The following XKR6 variants were observed in gnomAD, a reference collection of about 807,000 sequenced individuals.
XKR6 encodes XK-related protein 6.
In XKR6, 22 loss-of-function variants were observed where a neutral mutation model predicts 56.7. That is an observed-to-expected ratio of 0.39 (90% confidence interval 0.28 to 0.55). The LOEUF is 0.55. Among genes scored for constraint, XKR6 ranks in the 20% least tolerant of loss-of-function variants. XKR6 has a pLI of 0.66. For missense variants in XKR6, 852 were observed against 889.0 expected, an observed-to-expected ratio of 0.96 and a Z score of 0.53; for synonymous variants, 524 against 387.8, an observed-to-expected ratio of 1.35 and a Z score of -4.13.
chr8:11,088,107 C>T (rs1198188678), intron 1 of XKR6, among the ~76,000 whole-genome samples: 1 of 152,192 alleles, frequency 6.6e-6, no homozygotes, highest in African/African-American at 2.4e-5. Context: ...TGAAAAAATG[C>T]TAAGAAAATT....
chr8:10,961,445 G>T (rs1329467863), intron 1 of XKR6, among the ~76,000 whole-genome samples: 1 of 152,232 alleles, frequency 6.6e-6, no homozygotes, highest in Non-Finnish European at 1.5e-5. Context: ...CTGGCTAGGG[G>T]CGGCTGGGGA....
At chr8:11,157,780 G>A (rs1175028043) in intron 1 of XKR6, among the ~76,000 whole-genome samples, 1 of 152,168 alleles carries the variant, frequency 6.6e-6, no homozygotes, top group Admixed American at 6.5e-5. Context: ...CTCCGAAAGT[G>A]CTGGGATTAC....
At chr8:11,081,387 C>A (rs1449907618) in intron 1 of XKR6, among the ~76,000 whole-genome samples, 1 of 152,182 alleles carries the variant, frequency 6.6e-6, no homozygotes, top group African/African-American at 2.4e-5. Flanking sequence ...AAGGTCTTAG[C>A]ACGGATGAGA....
chr8:11,123,907 C>G (rs985582205), intron 1 of XKR6: 1 of 456,116 alleles, frequency 2.2e-6, no homozygotes, highest in Non-Finnish European at 4.4e-6. Flanking sequence ...CCTTCCCTCC[C>G]TCATGATGTT....
chr8:11,047,639 G>A (rs947939132), intron 1 of XKR6, among the ~76,000 whole-genome samples: 2 of 152,202 alleles, frequency 1.3e-5, no homozygotes, highest in East Asian at 3.8e-4. Context: ...ATGAGGAGTT[G>A]TTGTTTGATG....
At chr8:11,183,442 G>C (rs1468059185) in intron 1 of XKR6, among the ~76,000 whole-genome samples, 1 of 151,376 alleles carries the variant, frequency 6.6e-6, no homozygotes, top group South Asian at 2.1e-4. Flanking sequence ...CTCTCAAGTA[G>C]ATGGGACTAC....
At chr8:11,077,586 A>G (rs947321215) in intron 1 of XKR6, among the ~76,000 whole-genome samples, 1 of 152,194 alleles carries the variant, frequency 6.6e-6, no homozygotes, top group Non-Finnish European at 1.5e-5. Context: ...GTAAATCTCC[A>G]GGAGGAGGTG....
chr8:11,024,235 G>GTGTGTA (rs1798812774), intron 1 of XKR6, among the ~76,000 whole-genome samples: 1 of 141,174 alleles, frequency 7.1e-6, no homozygotes, highest in Non-Finnish European at 1.6e-5. Flanking sequence ...GTGTGTGTGT[G>GTGTGTA]TGTGTGTGTG....
chr8:11,178,550 A>ATATATATATATATATATATATATATG (rs1802782745), intron 1 of XKR6, among the ~76,000 whole-genome samples: 1 of 95,440 alleles, frequency 1.0e-5, no homozygotes, highest in Non-Finnish European at 1.8e-5. Flanking sequence ...AGGTAAAAAT[A>ATATATATATATATATATATATATATG]TATATATATA....
chr8:11,123,750 GA>G (rs200120806), intron 1 of XKR6: 10 of 411,846 alleles, frequency 2.4e-5, no homozygotes, highest in South Asian at 5.2e-5. Flanking sequence ...CCTACCCCGG[GA>G]AAAAAAAACA....
chr8:11,078,701 C>T (rs550975682), intron 1 of XKR6, among the ~76,000 whole-genome samples: 10 of 152,270 alleles, frequency 6.6e-5, no homozygotes, highest in African/African-American at 1.7e-4. Context: ...CAGCAGCAGT[C>T]CAGGAAGGTG....
intron 1 of XKR6, among the ~76,000 whole-genome samples, chr8:10,938,682 A>G (rs554614505): frequency 2.4e-4 from 36 of 152,252 alleles, no homozygotes; most frequent in African/African-American, 7.5e-4. Flanking sequence ...GTTCCCAGGG[A>G]GTGAAATTAA....
At chr8:10,997,140 G>T (rs549184155) in intron 1 of XKR6, among the ~76,000 whole-genome samples, 1 of 152,012 alleles carries the variant, frequency 6.6e-6, no homozygotes, top group Non-Finnish European at 1.5e-5. Flanking sequence ...TCCATCATCA[G>T]TACAACCTTC....
At chr8:11,102,921 C>G (rs1349133638) in intron 1 of XKR6, among the ~76,000 whole-genome samples, 1 of 152,184 alleles carries the variant, frequency 6.6e-6, no homozygotes, top group Non-Finnish European at 1.5e-5. Context: ...TGGTCATCAA[C>G]CTCATGAGGA....
chr8:10,956,548 G>A (rs922196067), intron 1 of XKR6, among the ~76,000 whole-genome samples: 21 of 152,204 alleles, frequency 1.4e-4, no homozygotes, highest in Non-Finnish European at 2.2e-4. Flanking sequence ...AGAGGACAGC[G>A]CTAAGCATGG....
At chr8:11,003,483 C>A (rs1369125336) in intron 1 of XKR6, among the ~76,000 whole-genome samples, 2 of 152,220 alleles carry the variant, frequency 1.3e-5, no homozygotes, top group Non-Finnish European at 2.9e-5. Flanking sequence ...ACCACCATCA[C>A]CATCTTCACC....
intron 1 of XKR6, among the ~76,000 whole-genome samples, chr8:10,986,040 A>G (rs538668097): frequency 1.3e-5 from 2 of 152,382 alleles, no homozygotes; most frequent in Non-Finnish European, 1.5e-5. Flanking sequence ...AAATATTACA[A>G]AGATACAGAA....
intron 1 of XKR6, among the ~76,000 whole-genome samples, chr8:10,961,596 T>G (rs1802063282): frequency 6.6e-6 from 1 of 152,198 alleles, no homozygotes; most frequent in Non-Finnish European, 1.5e-5. Context: ...AGAACCTCCT[T>G]CATGTGGTCC....
At chr8:11,166,650 G>A (rs1802088784) in intron 1 of XKR6, among the ~76,000 whole-genome samples, 1 of 152,068 alleles carries the variant, frequency 6.6e-6, no homozygotes, top group Non-Finnish European at 1.5e-5. Context: ...TTGGCTCACT[G>A]CAACCTCTGC....
Sources: allele counts gnomAD v4.1 joint callset (sites outside exome capture counted in the v4.1 genomes callset), GRCh38; gene constraint gnomAD v4.1.1; transcripts MANE v1.5; gene names NCBI Gene and HGNC (gene_info 2026-07-23, HGNC 2026-07-21).